The following BARD1 variants were observed in gnomAD, a reference collection of about 807,000 sequenced individuals.
BARD1 encodes BRCA1 associated RING domain 1.
Under a neutral mutation model 77.0 loss-of-function variants are expected in BARD1, and 73 were observed. The ratio of observed to expected loss-of-function variants is 0.95; its 90% CI spans 0.79 to 1.15. The LOEUF is 1.15. Ranked by LOEUF, BARD1 falls within the 50% of genes most tolerant of loss-of-function variation. The pLI is 0.00. For synonymous variants in BARD1, 384 were observed against 338.0 expected, an observed-to-expected ratio of 1.14 and a Z score of -1.49; for missense variants, 993 against 938.8, an observed-to-expected ratio of 1.06 and a Z score of -0.75.
intron 3 of BARD1, among the ~76,000 whole-genome samples, chr2:214,783,666 A>G (rs1695142898): frequency 6.6e-6 from 1 of 152,108 alleles, no homozygotes; most frequent in African/African-American, 2.4e-5. Flanking sequence ...CCATTGTGAC[A>G]TAGATATATA....
intron 9 of BARD1, among the ~76,000 whole-genome samples, chr2:214,737,904 C>T (rs1278259797): frequency 1.3e-5 from 2 of 151,688 alleles, no homozygotes; most frequent in African/African-American, 2.4e-5. Flanking sequence ...ATAATTATTC[C>T]ATCAGTTTAG....
intron 9 of BARD1, chr2:214,731,169 T>A: frequency 4.4e-6 from 1 of 227,472 alleles, no homozygotes; most frequent in South Asian, 5.9e-5. Context: ...ATGGCTTGAG[T>A]AAGTCTGTTC....
At chr2:214,792,170 C>CTACAGATTTTAAAATCTGAAATACGTAT in intron 3 of BARD1, 127 bp downstream of exon 3, 1 of 817,520 alleles carries the variant, frequency 1.2e-6, no homozygotes, top group Non-Finnish European at 1.8e-6. Flanking sequence ...AAAAAAAAAC[C>CTACAGATTTTAAAATCTGAAATACGTAT]TACAGATTTT....
Position 214,745,142 on chromosome 2 carries a change from GAAC to G in BARD1, c.1825_1827del (p.Val609del), listed in dbSNP as rs927014703. 1 of 1,613,684 alleles carries G rather than the reference GAAC, an allele frequency of 6.2e-7. No homozygotes were observed. Among genetic ancestry groups the G allele is most frequent in the Non-Finnish European group, 8.5e-7 (1 of 1,179,766 alleles). ...AAGGTACTTTGAACTGCATCACCAG[GAAC>G]AACAACATGAGTTACTAAAATACAA... On this transcript the variant is annotated inframe_deletion, in exon 9 of 11. Transcript: ENST00000260947.
At chr2:214,801,859 G>GC (rs1491061422) in intron 1 of BARD1, among the ~76,000 whole-genome samples, 1 of 142,006 alleles carries the variant, frequency 7.0e-6, no homozygotes, top group Non-Finnish European at 1.6e-5. Flanking sequence ...CGGGGGGGGG[G>GC]GTTGTTTTTG....
At chr2:214,731,598 G>A (rs984194878) in intron 9 of BARD1, among the ~76,000 whole-genome samples, 21 of 152,156 alleles carry the variant, frequency 1.4e-4, no homozygotes, top group Admixed American at 8.5e-4. Flanking sequence ...CCGGGCTTCT[G>A]TGGATAAAAT....
rs1038919349 is a variant in BARD1, at chr2:214,771,926, A to G, written c.1315-2614T>C. 3.6e-3 allele frequency among the ~76,000 whole-genome samples: 445 copies of G among 122,632 alleles called. 1 individual carries two copies. Among genetic ancestry groups the G allele is most frequent in the Middle Eastern group, 8.5e-3 (2 of 234 alleles). 80.5% of individuals were successfully genotyped at this position (122,632 alleles called of 152,430 possible). A position where few individuals can be genotyped will look rare whatever the true frequency, so the allele number is the denominator to read the frequency against. ...CAAATTAATTACCCCAGTTTCAGGA[A>G]AAAAAAAAAAAAAAAAAGCAACATT... On this transcript the variant is annotated intron_variant, in intron 4 of 10. Transcript: ENST00000260947.
rs113629619 is a variant in BARD1 at position 214,755,805 on chromosome 2, T to C, written c.1569-3250A>G. 1.3e-3 allele frequency among the ~76,000 whole-genome samples: 194 copies of C among 152,304 alleles called. 1 individual carries two copies. The highest frequency in any genetic ancestry group is 1.8e-3 in the Non-Finnish European group (121 of 68,016). ...ATGAACATTACAGACACAAAGCGTATGTTGCTGTGAAAATGGAAAGGCACA... is the reference window on the plus strand; with the variant it reads ...ATGAACATTACAGACACAAAGCGTACGTTGCTGTGAAAATGGAAAGGCACA... On this transcript the variant is annotated intron_variant, in intron 6 of 10. Coordinates refer to ENST00000260947, the MANE Select transcript of BARD1 (RefSeq NM_000465.4).
chr2:214,757,338 T>A (rs894476001), intron 6 of BARD1, among the ~76,000 whole-genome samples: 1 of 152,094 alleles, frequency 6.6e-6, no homozygotes, highest in African/African-American at 2.4e-5. Context: ...TACCTATGAT[T>A]TTAAATCATA....
chr2:214,786,522 A>G (rs1695284804), intron 3 of BARD1, among the ~76,000 whole-genome samples: 1 of 152,048 alleles, frequency 6.6e-6, no homozygotes, highest in African/African-American at 2.4e-5. Context: ...CTTCAAAAAT[A>G]TATTTACCTG....
At chr2:214,768,215 A>C (rs1434445246) in intron 5 of BARD1, among the ~76,000 whole-genome samples, 1 of 152,258 alleles carries the variant, frequency 6.6e-6, no homozygotes, top group Non-Finnish European at 1.5e-5. Flanking sequence ...AAGATGCCTT[A>C]CATCCAAATC....
intron 6 of BARD1, among the ~76,000 whole-genome samples, chr2:214,761,823 A>C (rs1182969122): frequency 6.6e-6 from 1 of 152,150 alleles, no homozygotes; most frequent in Non-Finnish European, 1.5e-5. Flanking sequence ...GTACTTTTTT[A>C]AAAAAGGAAG....
chr2:214,751,079 C>CTG (rs760986670), intron 7 of BARD1, among the ~76,000 whole-genome samples: 405 of 39,198 alleles, frequency 0.01, 1 homozygote, highest in African/African-American at 0.012. Context: ...CTGTGAAATT[C>CTG]TGTGTGTGTG....
intron 6 of BARD1, among the ~76,000 whole-genome samples, chr2:214,766,947 T>C (rs1694230398): frequency 6.6e-6 from 1 of 152,148 alleles, no homozygotes; most frequent in Non-Finnish European, 1.5e-5. Context: ...TACCTAATAG[T>C]TACTTTTTCT....
intron 1 of BARD1, among the ~76,000 whole-genome samples, chr2:214,805,607 A>G (rs1696232687): frequency 1.3e-5 from 2 of 152,190 alleles, no homozygotes; most frequent in South Asian, 4.1e-4. Flanking sequence ...CAGATGAAGA[A>G]AAGGAAGCAT....
intron 3 of BARD1, 96 bp downstream of exon 3, chr2:214,792,201 C>T: frequency 2.7e-6 from 3 of 1,113,082 alleles, no homozygotes; most frequent in Non-Finnish European, 3.7e-6. Context: ...ATACGTATTC[C>T]AGAACTCCAG....
At chr2:214,731,130 T>C in intron 9 of BARD1, 1 of 168,246 alleles carries the variant, frequency 5.9e-6, no homozygotes, top group Non-Finnish European at 1.2e-5. Context: ...TTGATTGGGC[T>C]TTGCAGGAAA....
chr2:214,770,644 TTC>T lies in BARD1; in HGVS notation c.1315-1334_1315-1333del, dbSNP rs1217390800. 8.5e-5 allele frequency among the ~76,000 whole-genome samples: 13 copies of T among 152,324 alleles called. No individual in the cohort carries two copies. The East Asian group carries it at 2.5e-3, about 29-fold the overall frequency. ...TGAAGACCCCTTCCAGTTTTGAACTTTCTGTGTCTTGTGTGTCATGATCCAAC... is the reference window on the plus strand; with the variant it reads ...TGAAGACCCCTTCCAGTTTTGAACTTTGTGTCTTGTGTGTCATGATCCAAC... On this transcript the variant is annotated intron_variant, in intron 4 of 10. Coordinates refer to ENST00000260947, the MANE Select transcript of BARD1 (RefSeq NM_000465.4).
At position 214,781,185 on chromosome 2, in the gene BARD1, T is replaced by A; in HGVS notation, c.689A>T (p.Asp230Val). ...CTTTTGCTTAGATTCCTCTTTGGAG[T>A]CAAATTCACCATCTTCTTTTTCTGC... ...LEAEKEDGEF[D>V]SKEESKQKLV... Residue 230 changes from aspartate (D) to valine (V), a missense_variant, in exon 4 of 11, where the codon GAC (aspartate) becomes GTC (valine). Physicochemically the swap from Asp to Val is radical, Grantham distance 152 (BLOSUM62 -3). Coordinates refer to ENST00000260947, the MANE Select transcript of BARD1 (RefSeq NM_000465.4). 1 of 1,586,854 alleles carries A rather than the reference T, an allele frequency of 6.3e-7. No individual in the cohort carries two copies. The highest frequency in any genetic ancestry group is 1.2e-5 in the South Asian group (1 of 84,626).
Sources: gnomAD v4.1 joint callset for allele counts (sites outside exome capture counted in the v4.1 genomes callset) on GRCh38, gnomAD v4.1.1 for gene constraint, MANE v1.5 for transcripts, NCBI Gene and HGNC (gene_info 2026-07-23, HGNC 2026-07-21) for gene names.